The following NARS2 variants were observed in gnomAD, a reference collection of about 807,000 sequenced individuals.
The protein encoded by NARS2 is asparaginyl-tRNA synthetase.
Under a neutral mutation model 62.9 loss-of-function variants are expected in NARS2, and 60 were observed. That is an observed-to-expected ratio of 0.95 (90% CI 0.77 to 1.18). The LOEUF is 1.18. NARS2 is among the 50% of genes most tolerant of loss of function. The pLI, the probability that NARS2 is intolerant of heterozygous loss-of-function variation, is 0.00. For missense variants in NARS2, 619 were observed against 576.4 expected (o/e 1.07, Z -0.76); for synonymous variants, 196 against 200.0 (o/e 0.98, Z 0.17).
chr11:78,478,815 A>G (rs111376827), intron 7 of NARS2, 132 bp from the exon 8 acceptor site: 9 of 480,070 alleles, frequency 1.9e-5, no homozygotes, highest in African/African-American at 6.0e-5. Context: ...CCTTGAATGT[A>G]CCATGGAAAA....
intron 5 of NARS2, among the ~76,000 whole-genome samples, chr11:78,556,337 T>C (rs950614454): frequency 1.3e-5 from 2 of 152,208 alleles, no homozygotes; most frequent in African/African-American, 4.8e-5. Context: ...TATCCTCAAA[T>C]GTATACATAA....
chr11:78,554,746 A>G lies in NARS2; in HGVS notation c.594+4793T>C, dbSNP rs147179470. 4.6e-3 allele frequency among the ~76,000 whole-genome samples: 701 copies of G among 152,276 alleles called. 3 individuals are homozygous for G. The highest frequency in any genetic ancestry group is 0.016 in the African/African-American group (679 of 41,572). On this transcript the variant is annotated intron_variant, in intron 5 of 13. Coordinates refer to ENST00000281038, the MANE Select transcript of NARS2 (RefSeq NM_024678.6). ...ACATAGTTTGACTTCCTCTCTTCCT[A>G]TTTAGATGTCCTTTATTTATCTTGC...
chr11:78,514,256 G>A (rs1405688164), intron 6 of NARS2, among the ~76,000 whole-genome samples: 1 of 152,110 alleles, frequency 6.6e-6, no homozygotes, highest in Non-Finnish European at 1.5e-5. Flanking sequence ...CCGAGTAGCT[G>A]GGACTACAGG....
At chr11:78,570,672 C>T (rs7117727) in intron 2 of NARS2, among the ~76,000 whole-genome samples, 5,903 of 152,260 alleles carry the variant, frequency 0.039, 392 homozygotes, top group African/African-American at 0.13. Flanking sequence ...TGAGCCACCA[C>T]GCCTGACCTA....
chr11:78,548,476 T>G (rs554027613), intron 5 of NARS2, among the ~76,000 whole-genome samples: 46 of 152,330 alleles, frequency 3.0e-4, no homozygotes, highest in African/African-American at 1.0e-3. Flanking sequence ...TTCTGAGGTC[T>G]AGTAACTTTG....
chr11:78,568,240 A>C (rs1400501660), intron 3 of NARS2, among the ~76,000 whole-genome samples: 5 of 152,224 alleles, frequency 3.3e-5, no homozygotes, highest in Non-Finnish European at 7.3e-5. Flanking sequence ...TTTTTTAATG[A>C]ATTTTAATGG....
At chr11:78,529,565 C>G (rs1235754131) in intron 5 of NARS2, among the ~76,000 whole-genome samples, 2 of 152,134 alleles carry the variant, frequency 1.3e-5, no homozygotes, top group Non-Finnish European at 2.9e-5. Context: ...AGGAAACAAG[C>G]CATTCAACAT....
intron 6 of NARS2, among the ~76,000 whole-genome samples, chr11:78,528,254 C>T (rs1464025967): frequency 6.6e-5 from 10 of 152,096 alleles, no homozygotes; most frequent in African/African-American, 2.4e-4. Flanking sequence ...ATGGGAATTA[C>T]CCACAGAATT....
intron 6 of NARS2, among the ~76,000 whole-genome samples, chr11:78,495,372 T>G (rs7117513): frequency 0.75 from 114,473 of 151,988 alleles, 43,540 homozygotes; most frequent in Non-Finnish European, 0.82. Flanking sequence ...CATCCTTCAA[T>G]ACTTGGCTCA....
intron 5 of NARS2, among the ~76,000 whole-genome samples, chr11:78,546,051 T>C (rs1413341844): frequency 6.6e-6 from 1 of 152,250 alleles, no homozygotes; most frequent in African/African-American, 2.4e-5. Context: ...GTCTATGGGT[T>C]GCCTGGCTTC....
intron 10 of NARS2, among the ~76,000 whole-genome samples, chr11:78,468,461 C>CA (rs1371671342): frequency 6.8e-6 from 1 of 147,176 alleles, no homozygotes; most frequent in East Asian, 2.0e-4. Context: ...GGCTGGAATG[C>CA]AGTGGTGATC....
At chr11:78,551,978 CAG>C (rs1856136321) in intron 5 of NARS2, among the ~76,000 whole-genome samples, 1 of 152,134 alleles carries the variant, frequency 6.6e-6, no homozygotes, top group Non-Finnish European at 1.5e-5. Context: ...TCTCTCCACC[CAG>C]AGTCTAATAA....
chr11:78,436,841 A>T (rs778168471), intron 13 of NARS2, 27 bp from the exon 14 acceptor site: 2 of 1,605,034 alleles, frequency 1.2e-6, no homozygotes, highest in South Asian at 1.1e-5. Context: ...GAAAATCATC[A>T]TCTATATATA....
At chr11:78,504,088 A>G (rs1860390659) in intron 6 of NARS2, among the ~76,000 whole-genome samples, 1 of 152,234 alleles carries the variant, frequency 6.6e-6, no homozygotes, top group African/African-American at 2.4e-5. Context: ...TTTGGCTAAG[A>G]AAACTTCTGA....
At chr11:78,491,330 C>T (rs1310807029) in intron 7 of NARS2, among the ~76,000 whole-genome samples, 1 of 152,220 alleles carries the variant, frequency 6.6e-6, no homozygotes, top group Admixed American at 6.5e-5. Context: ...GGGACTGATC[C>T]AAAATGCTCA....
chr11:78,458,594 C>T (rs1399590463), intron 11 of NARS2, among the ~76,000 whole-genome samples: 2 of 152,190 alleles, frequency 1.3e-5, no homozygotes, highest in Non-Finnish European at 2.9e-5. Flanking sequence ...TTTTTAGCTT[C>T]CCAGCAAATT....
intron 11 of NARS2, among the ~76,000 whole-genome samples, chr11:78,444,421 A>G (rs917761481): frequency 6.6e-6 from 1 of 152,202 alleles, no homozygotes; most frequent in Non-Finnish European, 1.5e-5. Flanking sequence ...GGAGTTATCA[A>G]AATGGAGATG....
intron 9 of NARS2, among the ~76,000 whole-genome samples, chr11:78,478,087 G>T (rs7121299): frequency 0.33 from 49,951 of 151,910 alleles, 10,446 homozygotes; most frequent in African/African-American, 0.58. Flanking sequence ...ACTGAGCATG[G>T]TTTTTACAGT....
intron 11 of NARS2, among the ~76,000 whole-genome samples, chr11:78,444,912 A>G (rs1264635109): frequency 1.3e-5 from 2 of 152,212 alleles, no homozygotes; most frequent in Admixed American, 6.5e-5. Context: ...GAAAAATGCA[A>G]TATGTTTTGA....
Sources: allele counts gnomAD v4.1 joint callset (sites outside exome capture counted in the v4.1 genomes callset), GRCh38; gene constraint gnomAD v4.1.1; transcripts MANE v1.5; gene names NCBI Gene and HGNC (gene_info 2026-07-23, HGNC 2026-07-21).